The following C5orf58 variants were observed in gnomAD, a reference collection of about 807,000 sequenced individuals.
The protein encoded by C5orf58 is chromosome 5 open reading frame 58.
C5orf58 carries 2 observed loss-of-function variants against 2.9 expected under a neutral mutation model. The ratio of observed to expected loss-of-function variants is 0.69; its 90% confidence interval spans 0.28 to 2.18. The LOEUF (loss-of-function observed/expected upper bound fraction) is 2.18. C5orf58 is among the 30% of genes most tolerant of loss of function. The pLI is 0.13. For missense variants in C5orf58, 96 were observed against 91.7 expected (o/e 1.05, Z -0.19); for synonymous variants, 37 against 33.4 (o/e 1.11, Z -0.37).
intron 3 of C5orf58, among the ~76,000 whole-genome samples, chr5:170,240,745 A>C (rs1177574043): frequency 6.7e-6 from 1 of 148,898 alleles, no homozygotes; most frequent in Non-Finnish European, 1.5e-5. Flanking sequence ...CTCTGATGGT[A>C]GTTTCTTTTG....
chr5:170,233,801 GCACCCCACTGTGCCCT>G (rs1348807556), intron 1 of C5orf58: 1 of 304,058 alleles, frequency 3.3e-6, no homozygotes, highest in Admixed American at 4.8e-5. Flanking sequence ...TTGTTGTGTA[GCACCCCACTGTGCCCT>G]CACCCCACCC....
At chr5:170,242,989 G>A (rs372025330) in intron 3 of C5orf58, among the ~76,000 whole-genome samples, 4 of 141,138 alleles carry the variant, frequency 2.8e-5, no homozygotes, top group African/African-American at 5.3e-5. Flanking sequence ...CTTTGTTCTC[G>A]TTGGTTTCAA....
chr5:170,234,007 T>G, intron 1 of C5orf58, 108 bp from the exon 2 acceptor site: 1 of 488,792 alleles, frequency 2.0e-6, no homozygotes, highest in East Asian at 6.9e-5. Context: ...TCCCTGCAAC[T>G]TGACTCTTGG....
chr5:170,248,316 T>A (rs1395208890), downstream of C5orf58: 1 of 165,630 alleles, frequency 6.0e-6, no homozygotes, highest in African/African-American at 2.4e-5. Context: ...AAAAAACAAA[T>A]CAGTTTTATG....
At chr5:170,247,381 T>C (rs925371746), downstream of C5orf58, 5 of 152,252 alleles carry the variant, frequency 3.3e-5, no homozygotes, top group African/African-American at 9.6e-5. Flanking sequence ...AGTTTTAAAA[T>C]GGTGACTTCT....
chr5:170,247,946 A>G (rs1421217249), downstream of C5orf58: 1 of 152,214 alleles, frequency 6.6e-6, no homozygotes, highest in African/African-American at 2.4e-5. Context: ...CATTAAACCT[A>G]GACCCACGAT....
At chr5:170,239,365 C>A (rs1760879047) in intron 3 of C5orf58, among the ~76,000 whole-genome samples, 1 of 150,610 alleles carries the variant, frequency 6.6e-6, no homozygotes. Flanking sequence ...GTATCTTAAT[C>A]TTCTGTGTCA....
At chr5:170,248,714 C>T (rs773339555), downstream of C5orf58, 1 of 1,612,010 alleles carries the variant, frequency 6.2e-7, no homozygotes, top group South Asian at 1.1e-5. Context: ...TACCCTGCAG[C>T]ATGCGTTAAT....
In C5orf58 at chr5:170,245,438, AG is replaced by A. The variant is rs1428475098; in HGVS notation, c.95-522del. 3.3e-5 allele frequency among the ~76,000 whole-genome samples: 5 copies of A among 152,228 alleles called. No individual in the cohort carries two copies. The East Asian group carries it at 9.7e-4, about 29-fold the overall frequency. ...GCAATCAGCGAGACTCCGTGGGCGT[AG>A]GACCTTCCAAGCCAGGTGCGGGATA... On this transcript the variant is annotated intron_variant, in intron 3 of 3. Transcript: ENST00000593851.
At chr5:170,248,917 A>G, downstream of C5orf58, 1 of 1,213,090 alleles carries the variant, frequency 8.2e-7, no homozygotes, top group Non-Finnish European at 1.2e-6. Context: ...CTGCCTCTTC[A>G]AGTGATGAGG....
At chr5:170,246,273 T>C, downstream of C5orf58, 3 of 593,696 alleles carry the variant, frequency 5.1e-6, no homozygotes, top group Non-Finnish European at 8.3e-6. Flanking sequence ...GAAGAATGGC[T>C]TAACTTACGT....
At position 170,251,521 on chromosome 5, in the gene C5orf58, A is replaced by C. The variant is rs569553826; in HGVS notation, c.95-127A>C. On this transcript the variant is annotated intron_variant, in intron 2 of 2. Coordinates refer to the C5orf58 transcript ENST00000517575. ...ATAATATTAATACTGTAAAGATCTA[A>C]TATTAAAATAGAATTAATTGGTAAG... 113 of 362,576 alleles carry C rather than the reference A, an allele frequency of 3.1e-4. 3 individuals carry two copies. Among genetic ancestry groups the C allele is most frequent in the South Asian group, 2.2e-3 (107 of 48,466 alleles). 22.5% of individuals were successfully genotyped at this position (362,576 alleles called of 1,614,324 possible).
At chr5:170,238,045 A>T (rs751411069) in intron 3 of C5orf58, among the ~76,000 whole-genome samples, 1 of 152,146 alleles carries the variant, frequency 6.6e-6, no homozygotes, top group Non-Finnish European at 1.5e-5. Context: ...CCCAGCCAGA[A>T]CACCCCACAT....
intron 3 of C5orf58, among the ~76,000 whole-genome samples, chr5:170,236,214 C>T (rs2113088680): frequency 6.6e-6 from 1 of 151,960 alleles, no homozygotes; most frequent in East Asian, 2.0e-4. Context: ...GCTGTGACTC[C>T]AAGAAGAAGA....
At chr5:170,244,481 T>C (rs1761162432) in intron 3 of C5orf58, among the ~76,000 whole-genome samples, 1 of 150,236 alleles carries the variant, frequency 6.7e-6, no homozygotes, top group South Asian at 2.1e-4. Context: ...CTCATTTCTT[T>C]TTATTCTTTT....
chr5:170,245,937 A>G (rs2113134249), intron 3 of C5orf58, 25 bp from the exon 4 acceptor site: 2 of 1,600,578 alleles, frequency 1.2e-6, no homozygotes, highest in Non-Finnish European at 1.7e-6. Context: ...CTACAATATA[A>G]TATCTCCTGT....
intron 3 of C5orf58, among the ~76,000 whole-genome samples, chr5:170,237,794 G>A (rs1760804659): frequency 6.6e-6 from 1 of 152,136 alleles, no homozygotes; most frequent in Non-Finnish European, 1.5e-5. Context: ...TTAAAACAAG[G>A]ATATTTGCCC....
chr5:170,238,894 G>A lies in C5orf58; in HGVS notation c.94+3824G>A, dbSNP rs113176733. On this transcript the variant is annotated intron_variant, in intron 3 of 3. Coordinates refer to ENST00000593851, the MANE Select transcript of C5orf58 (RefSeq NM_001102609.3). ...CCTCTGGAAGTTACTGAGCCTATATGTCACCAAACAAGGGAACAGATCAAA... is the reference window on the plus strand; with the variant it reads ...CCTCTGGAAGTTACTGAGCCTATATATCACCAAACAAGGGAACAGATCAAA... 4.3e-3 allele frequency among the ~76,000 whole-genome samples: 654 copies of A among 152,296 alleles called. 3 individuals are homozygous for A. The highest frequency in any genetic ancestry group is 0.015 in the African/African-American group (610 of 41,568).
At chr5:170,240,103 ACTC>A (rs1181493839) in intron 3 of C5orf58, among the ~76,000 whole-genome samples, 1 of 150,062 alleles carries the variant, frequency 6.7e-6, no homozygotes, top group African/African-American at 2.5e-5. Flanking sequence ...AAGGACATGA[ACTC>A]ATCATTTTTT....
Sources: gnomAD v4.1 joint callset for allele counts (sites outside exome capture counted in the v4.1 genomes callset) on GRCh38, gnomAD v4.1.1 for gene constraint, MANE v1.5 for transcripts, NCBI Gene and HGNC (gene_info 2026-07-23, HGNC 2026-07-21) for gene names.